The following PRKCA variants were observed in gnomAD, a reference collection of about 807,000 sequenced individuals.
The protein encoded by PRKCA is protein kinase C alpha type.
PRKCA carries 27 observed loss-of-function variants against 87.0 expected under a neutral mutation model. The observed-to-expected ratio is 0.31, with a 90% confidence interval of 0.23 to 0.43. The LOEUF (loss-of-function observed/expected upper bound fraction) is 0.43, where lower values mean the gene tolerates loss of function less well. PRKCA is among the 20% of genes least tolerant of loss of function. The pLI is 1.00. For synonymous variants in PRKCA, 329 were observed against 311.1 expected (o/e 1.06, Z -0.61); for missense variants, 518 against 852.3 (o/e 0.61, Z 4.88).
At chr17:66,491,936 C>T (rs1916262082) in intron 2 of PRKCA, among the ~76,000 whole-genome samples, 1 of 152,248 alleles carries the variant, frequency 6.6e-6, no homozygotes, top group Non-Finnish European at 1.5e-5. Context: ...AACCTCCAAG[C>T]TCCTCTTTCC....
chr17:66,392,937 A>ATTC (rs1435128148), intron 2 of PRKCA, among the ~76,000 whole-genome samples: 14 of 152,124 alleles, frequency 9.2e-5, no homozygotes, highest in Non-Finnish European at 4.4e-5. Flanking sequence ...AACAGTCGGG[A>ATTC]AGCAAGCAAA....
rs150930232 is a variant in PRKCA at position 66,580,774 on chromosome 17, C to T, written c.289-60581C>T. Among the ~76,000 whole-genome samples the T allele has an allele frequency of 5.9e-5, 9 of 152,308 alleles. No homozygotes were observed. In the East Asian group the frequency reaches 1.7e-3, roughly 29 times the overall value. ...AACAGAACATGACGCCACCCTGCGC[C>T]CTTCTTGCTTCCCTTCTGTTTACTG... On this transcript the variant is annotated intron_variant, in intron 3 of 16. Coordinates refer to ENST00000413366, the MANE Select transcript of PRKCA (RefSeq NM_002737.3).
At chr17:66,445,394 C>G (rs1045750640) in intron 2 of PRKCA, among the ~76,000 whole-genome samples, 2 of 152,216 alleles carry the variant, frequency 1.3e-5, no homozygotes, top group African/African-American at 2.4e-5. Flanking sequence ...ACTGGAGAGT[C>G]CAAGCATTGG....
chr17:66,616,769 G>A (rs1598817097), intron 3 of PRKCA, among the ~76,000 whole-genome samples: 1 of 152,280 alleles, frequency 6.6e-6, no homozygotes, highest in Non-Finnish European at 1.5e-5. Context: ...TTGTTCCAGA[G>A]GAATCCAAGT....
chr17:66,372,793 G>A (rs1048340927), intron 2 of PRKCA, among the ~76,000 whole-genome samples: 20 of 152,202 alleles, frequency 1.3e-4, no homozygotes, highest in African/African-American at 3.1e-4. Context: ...GCAGTGGCTC[G>A]CACCTGTAAT....
intron 13 of PRKCA, among the ~76,000 whole-genome samples, chr17:66,764,195 A>G (rs944885485): frequency 7.9e-5 from 12 of 152,184 alleles, no homozygotes; most frequent in African/African-American, 2.7e-4. Flanking sequence ...AGAGCTAAAG[A>G]GCCTGGCTCT....
At chr17:66,603,987 A>G (rs1970132769) in intron 3 of PRKCA, among the ~76,000 whole-genome samples, 2 of 152,286 alleles carry the variant, frequency 1.3e-5, no homozygotes, top group East Asian at 3.9e-4. Context: ...CTGTATGGAT[A>G]TACCGCCCTT....
chr17:66,565,116 T>C (rs1468193402), intron 3 of PRKCA, among the ~76,000 whole-genome samples: 1 of 152,180 alleles, frequency 6.6e-6, no homozygotes, highest in Non-Finnish European at 1.5e-5. Flanking sequence ...TTTTGGCAGT[T>C]CCTTACCCGT....
At position 66,733,408 on chromosome 17, in the gene PRKCA, G is replaced by C. The variant is rs61760353; in HGVS notation, c.1056+583G>C. 2.0e-3 allele frequency among the ~76,000 whole-genome samples: 308 copies of C among 152,312 alleles called. 1 individual carries two copies. The highest frequency in any genetic ancestry group is 6.6e-3 in the African/African-American group (273 of 41,572). On this transcript the variant is annotated intron_variant, in intron 9 of 16. Transcript: ENST00000413366. The stretch of plus-strand genomic sequence containing the variant: ...TTTGGGGGGAAAGCTTGACTTATCT[G>C]TGAGGGAAGCCTAGCACAGGCACAA...
intron 2 of PRKCA, among the ~76,000 whole-genome samples, chr17:66,485,604 T>C (rs1206508179): frequency 6.6e-6 from 1 of 152,210 alleles, no homozygotes; most frequent in Non-Finnish European, 1.5e-5. Flanking sequence ...AGATTGGGGT[T>C]GCTGTGAAGC....
intron 3 of PRKCA, chr17:66,554,428 C>T (rs1290193851): frequency 6.5e-6 from 3 of 463,142 alleles, no homozygotes; most frequent in Admixed American, 6.4e-5. Context: ...CGCTATGACA[C>T]GTTTCTTGTT....
At chr17:66,680,688 G>A (rs1972464935) in intron 5 of PRKCA, among the ~76,000 whole-genome samples, 1 of 152,154 alleles carries the variant, frequency 6.6e-6, no homozygotes, top group Non-Finnish European at 1.5e-5. Flanking sequence ...AAAGCTTTTG[G>A]TGTATGTGCC....
chr17:66,460,724 G>A (rs1318995827), intron 2 of PRKCA, among the ~76,000 whole-genome samples: 3 of 152,216 alleles, frequency 2.0e-5, no homozygotes, highest in Non-Finnish European at 1.5e-5. Context: ...CTCCTTTGCT[G>A]TGGAAGCAGA....
intron 2 of PRKCA, among the ~76,000 whole-genome samples, chr17:66,436,460 G>A (rs1402037763): frequency 1.3e-5 from 2 of 152,218 alleles, no homozygotes; most frequent in Non-Finnish European, 2.9e-5. Flanking sequence ...GAGAACACAC[G>A]TGAAATGGTT....
intron 2 of PRKCA, among the ~76,000 whole-genome samples, chr17:66,489,267 C>T (rs1916113050): frequency 6.7e-6 from 1 of 149,272 alleles, no homozygotes; most frequent in Middle Eastern, 3.5e-3. Context: ...TGACTGTGAC[C>T]TGAATTTAAA....
intron 3 of PRKCA, among the ~76,000 whole-genome samples, chr17:66,539,782 G>C (rs967125174): frequency 2.0e-5 from 3 of 152,186 alleles, no homozygotes; most frequent in Non-Finnish European, 4.4e-5. Context: ...CCAGAGAGAT[G>C]CTTCTTTAAT....
chr17:66,780,031 C>T (rs959638810), intron 14 of PRKCA, among the ~76,000 whole-genome samples: 9 of 152,118 alleles, frequency 5.9e-5, no homozygotes, highest in South Asian at 2.1e-4. Flanking sequence ...GGCCTGAGAG[C>T]GAGTGATTAC....
At chr17:66,569,786 G>C (rs1969016784) in intron 3 of PRKCA, among the ~76,000 whole-genome samples, 1 of 152,198 alleles carries the variant, frequency 6.6e-6, no homozygotes, top group Non-Finnish European at 1.5e-5. Flanking sequence ...ACAGTACTAA[G>C]TGTTGGTGAG....
chr17:66,418,381 T>C (rs1474541752), intron 2 of PRKCA, among the ~76,000 whole-genome samples: 2 of 152,032 alleles, frequency 1.3e-5, no homozygotes, highest in African/African-American at 4.8e-5. Context: ...AACCAAGATT[T>C]AAGGTTGTGT....
Sources: gnomAD v4.1 joint callset for allele counts (sites outside exome capture counted in the v4.1 genomes callset) on GRCh38, gnomAD v4.1.1 for gene constraint, MANE v1.5 for transcripts, NCBI Gene and HGNC (gene_info 2026-07-23, HGNC 2026-07-21) for gene names.